Variants in ME3 observed in about 807,000 individuals in gnomAD.
ME3 encodes the protein NADP-dependent malic enzyme, mitochondrial.
ME3 carries 48 observed loss-of-function variants against 68.9 expected under a neutral mutation model. That is an observed-to-expected ratio of 0.70 (90% confidence interval 0.55 to 0.89). The LOEUF is 0.89. ME3 is among the 40% of genes least tolerant of loss of function. ME3 has a pLI of 0.00. For missense variants in ME3, 675 were observed against 797.4 expected (o/e 0.85, Z 1.85); for synonymous variants, 320 against 318.8 (o/e 1.00, Z -0.04).
intron 2 of ME3, among the ~76,000 whole-genome samples, chr11:86,671,367 C>A (rs1946927369): frequency 6.6e-6 from 1 of 152,192 alleles, no homozygotes; most frequent in Non-Finnish European, 1.5e-5. Context: ...CTCTTTAGAT[C>A]TCACGACATT....
chr11:86,661,819 C>G (rs73514364), intron 2 of ME3, among the ~76,000 whole-genome samples: 104 of 151,248 alleles, frequency 6.9e-4, no homozygotes, highest in African/African-American at 2.4e-3. Context: ...GCTATAAGCT[C>G]CTTCAAGGCA....
chr11:86,565,456 A>G (rs764454126), intron 2 of ME3, among the ~76,000 whole-genome samples: 10 of 152,242 alleles, frequency 6.6e-5, no homozygotes, highest in Admixed American at 1.3e-4. Context: ...TATTTACCAT[A>G]GCCAAAATGT....
intron 5 of ME3, among the ~76,000 whole-genome samples, chr11:86,504,545 C>T (rs1023995222): frequency 1.3e-5 from 2 of 151,774 alleles, no homozygotes; most frequent in Non-Finnish European, 2.9e-5. Context: ...AGGTGTGTGC[C>T]ACCACACCCA....
intron 7 of ME3, among the ~76,000 whole-genome samples, chr11:86,475,874 T>TATAGAGAGAGAGAGAGAGAGAG: frequency 1.1e-5 from 1 of 91,472 alleles, no homozygotes; most frequent in Non-Finnish European, 2.1e-5. Context: ...TATATATATA[T>TATAGAGAGAGAGAGAGAGAGAG]AGAGAGAGAG....
chr11:86,527,871 G>A (rs1200209397), intron 4 of ME3, among the ~76,000 whole-genome samples: 3 of 152,174 alleles, frequency 2.0e-5, no homozygotes, highest in Admixed American at 2.0e-4. Flanking sequence ...AACATGGAAA[G>A]GAACAACCAG....
At chr11:86,612,069 C>G (rs888055866) in intron 2 of ME3, among the ~76,000 whole-genome samples, 1 of 152,174 alleles carries the variant, frequency 6.6e-6, no homozygotes, top group African/African-American at 2.4e-5. Flanking sequence ...TCCCTTGCCC[C>G]CCAACCCCCA....
At chr11:86,518,463 C>T (rs182906085) in intron 4 of ME3, among the ~76,000 whole-genome samples, 8 of 152,264 alleles carry the variant, frequency 5.3e-5, no homozygotes, top group East Asian at 1.9e-4. Context: ...AAATTTACTA[C>T]GCCCAGCCAG....
At chr11:86,494,339 G>A (rs563424018) in intron 6 of ME3, among the ~76,000 whole-genome samples, 61 of 152,292 alleles carry the variant, frequency 4.0e-4, no homozygotes, top group African/African-American at 1.4e-3. Flanking sequence ...CTGACCCCTT[G>A]GAGCAGTGCA....
intron 2 of ME3, among the ~76,000 whole-genome samples, chr11:86,663,905 CAT>C (rs1436607057): frequency 6.6e-6 from 1 of 152,236 alleles, no homozygotes; most frequent in Non-Finnish European, 1.5e-5. Flanking sequence ...GGGCAAAACA[CAT>C]ATTTCTGTAT....
intron 2 of ME3, among the ~76,000 whole-genome samples, chr11:86,664,738 T>C (rs2135506853): frequency 6.6e-6 from 1 of 152,300 alleles, no homozygotes; most frequent in South Asian, 2.1e-4. Flanking sequence ...CTCCTAACTC[T>C]GGTCTATTCC....
At chr11:86,635,900 G>A (rs143924080) in intron 2 of ME3, among the ~76,000 whole-genome samples, 83 of 152,332 alleles carry the variant, frequency 5.4e-4, no homozygotes, top group Middle Eastern at 6.8e-3. Flanking sequence ...GCACAGTCTG[G>A]TCAAATGGCA....
intron 4 of ME3, among the ~76,000 whole-genome samples, chr11:86,513,029 C>T (rs571406855): frequency 9.3e-4 from 141 of 152,298 alleles, no homozygotes; most frequent in African/African-American, 2.7e-3. Flanking sequence ...CTTAACAACT[C>T]TTATCAATGG....
At chr11:86,541,334 A>G (rs1002198114) in intron 4 of ME3, among the ~76,000 whole-genome samples, 5 of 152,002 alleles carry the variant, frequency 3.3e-5, no homozygotes, top group African/African-American at 1.2e-4. Context: ...GAAGCCAGGG[A>G]GCCAAGTGGT....
intron 8 of ME3, chr11:86,462,490 G>A (rs1409867888): frequency 7.7e-6 from 7 of 904,286 alleles, no homozygotes; most frequent in Admixed American, 6.2e-5. Flanking sequence ...CTTTGTTCAA[G>A]GGTCAGCTGT....
chr11:86,536,047 C>G (rs1955630611), intron 4 of ME3, among the ~76,000 whole-genome samples: 1 of 152,120 alleles, frequency 6.6e-6, no homozygotes, highest in Non-Finnish European at 1.5e-5. Flanking sequence ...AACTCCAACC[C>G]TAGATTCAGC....
chr11:86,519,605 C>A (rs1954123007), intron 4 of ME3, among the ~76,000 whole-genome samples: 2 of 152,208 alleles, frequency 1.3e-5, no homozygotes, highest in African/African-American at 2.4e-5. Context: ...TATGCACTTT[C>A]AACTCTAACA....
At chr11:86,663,075 G>A (rs61904316) in intron 2 of ME3, among the ~76,000 whole-genome samples, 1 of 152,214 alleles carries the variant, frequency 6.6e-6, no homozygotes, top group East Asian at 1.9e-4. Context: ...AGAGGAAGAT[G>A]TTTCATGACC....
At chr11:86,645,391 C>T (rs563060500) in intron 2 of ME3, among the ~76,000 whole-genome samples, 1 of 152,122 alleles carries the variant, frequency 6.6e-6, no homozygotes, top group Non-Finnish European at 1.5e-5. Flanking sequence ...GGGTGTCCAC[C>T]ATTTCTGATG....
intron 2 of ME3, among the ~76,000 whole-genome samples, chr11:86,613,147 C>T (rs908367327): frequency 2.0e-5 from 3 of 152,150 alleles, no homozygotes; most frequent in Non-Finnish European, 2.9e-5. Context: ...TTTCCCAGCA[C>T]CGTTTACTAA....
Sources: allele counts gnomAD v4.1 joint callset (sites outside exome capture counted in the v4.1 genomes callset), GRCh38; gene constraint gnomAD v4.1.1; transcripts MANE v1.5; gene names NCBI Gene and HGNC (gene_info 2026-07-23, HGNC 2026-07-21).